Variants in RAD51AP1 observed in about 807,000 individuals in gnomAD.
RAD51AP1 encodes the protein RAD51-associated protein 1.
In RAD51AP1, 14 loss-of-function variants were observed where a neutral mutation model predicts 34.3. The ratio of observed to expected loss-of-function variants is 0.41; its 90% CI spans 0.27 to 0.64. The LOEUF (loss-of-function observed/expected upper bound fraction) is 0.64, where lower values mean the gene tolerates loss of function less well. RAD51AP1 is among the 30% of genes least tolerant of loss of function. RAD51AP1 has a pLI of 0.33. For synonymous variants in RAD51AP1, 114 were observed against 129.8 expected, an observed-to-expected ratio of 0.88 and a Z score of 0.83; for missense variants, 348 against 386.9, an observed-to-expected ratio of 0.90 and a Z score of 0.84.
intron 6 of RAD51AP1, among the ~76,000 whole-genome samples, chr12:4,551,514 A>C (rs868752699): frequency 6.6e-6 from 1 of 151,604 alleles, no homozygotes; most frequent in Admixed American, 6.6e-5. Context: ...AAAAAAAAGC[A>C]AGATTAAGTT....
chr12:4,548,701 A>T lies in RAD51AP1; in HGVS notation c.421A>T (p.Thr141Ser), dbSNP rs750415596. The stretch of plus-strand genomic sequence containing the variant: ...CTCTCCTGAAGATTTGGATAAGATT[A>T]CTGTGGAAGATGATGTTGGTGGTGT... The part of the protein sequence containing the change: ...ASDYLDLDKI[T>S]VEDDVGGVQG... Residue 141 changes from threonine to serine, a missense_variant, in exon 6 of 9, where the codon ACT (threonine) becomes TCT (serine). Transcript: ENST00000352618. 6.2e-7 allele frequency: 1 copy of T among 1,613,372 alleles called. No homozygotes were observed. The highest frequency in any genetic ancestry group is 8.5e-7 in the Non-Finnish European group (1 of 1,179,800).
At chr12:4,552,426 G>A (rs1030497571) in intron 6 of RAD51AP1, among the ~76,000 whole-genome samples, 3 of 152,190 alleles carry the variant, frequency 2.0e-5, no homozygotes, top group African/African-American at 4.8e-5. Flanking sequence ...TCAGCTCTAG[G>A]ATTATCTGCT....
intron 1 of RAD51AP1, among the ~76,000 whole-genome samples, chr12:4,539,487 A>G (rs1944439653): frequency 6.6e-6 from 1 of 152,148 alleles, no homozygotes; most frequent in Non-Finnish European, 1.5e-5. Flanking sequence ...TTAGCCATTC[A>G]TTTAATAAAG....
intron 1 of RAD51AP1, 26 bp downstream of exon 1, chr12:4,538,982 G>A: frequency 6.2e-7 from 1 of 1,610,506 alleles, no homozygotes. Flanking sequence ...CATTCGTCGG[G>A]GGTGGGAGGA....
chr12:4,549,489 G>A (rs1360642363), intron 6 of RAD51AP1, among the ~76,000 whole-genome samples: 2 of 151,906 alleles, frequency 1.3e-5, no homozygotes, highest in Non-Finnish European at 2.9e-5. Context: ...TCACTTATTC[G>A]ACTAATATTT....
At chr12:4,548,603 A>C in intron 5 of RAD51AP1, 84 bp from the exon 6 acceptor site, 1 of 1,441,856 alleles carries the variant, frequency 6.9e-7, no homozygotes, top group South Asian at 1.3e-5. Flanking sequence ...TAAAAACAAT[A>C]GCTGTAATAG....
At chr12:4,547,141 C>T (rs1009894010) in intron 4 of RAD51AP1, among the ~76,000 whole-genome samples, 2 of 152,190 alleles carry the variant, frequency 1.3e-5, no homozygotes, top group East Asian at 1.9e-4. Context: ...GATCATGGCT[C>T]AATACAACCT....
Position 4,559,112 on chromosome 12 carries a change from C to A in RAD51AP1, c.*119C>A. ...ATATAAAGGAATCCATTACCATGTC[C>A]TATAAATGACCTCTAGCCATTTTAT... On this transcript the variant is annotated 3_prime_UTR_variant, in exon 9 of 9. Coordinates refer to ENST00000352618, the MANE Select transcript of RAD51AP1 (RefSeq NM_006479.5). 2.4e-6 allele frequency: 3 copies of A among 1,241,948 alleles called. No individual in the cohort carries two copies. The highest frequency in any genetic ancestry group is 3.3e-6 in the Non-Finnish European group (3 of 898,366). The allele number at this position is 1,241,948 out of a possible 1,614,324, so 76.9% of individuals were successfully genotyped here.
intron 2 of RAD51AP1, 70 bp from the exon 3 acceptor site, chr12:4,543,693 C>T (rs1467500338): frequency 8.8e-7 from 1 of 1,140,222 alleles, no homozygotes; most frequent in Non-Finnish European, 1.2e-6. Flanking sequence ...AACTTGAACA[C>T]ACATGGTAAT....
chr12:4,548,874 ATTCAGTC>A, intron 6 of RAD51AP1, 38 bp downstream of exon 6: 1 of 1,598,914 alleles, frequency 6.3e-7, no homozygotes, highest in Non-Finnish European at 8.5e-7. Context: ...TTCTATGGGA[ATTCAGTC>A]AAAAAAGTTC....
At chr12:4,557,206 C>T (rs1450350578) in intron 8 of RAD51AP1, among the ~76,000 whole-genome samples, 2 of 152,200 alleles carry the variant, frequency 1.3e-5, no homozygotes, top group Non-Finnish European at 2.9e-5. Context: ...ATGCCTCTCT[C>T]AGGGCCTCTC....
At chr12:4,553,268 ATATG>A (rs1944559639) in intron 7 of RAD51AP1, 121 bp downstream of exon 7, 1 of 892,400 alleles carries the variant, frequency 1.1e-6, no homozygotes, top group Non-Finnish European at 1.6e-6. Flanking sequence ...TCTTGTTAAA[ATATG>A]TAAAAGGAAG....
chr12:4,556,407 CA>C lies in RAD51AP1; in HGVS notation c.782del (p.Lys261ArgfsTer13). On this transcript the variant is annotated frameshift_variant, in exon 8 of 9. Coordinates refer to ENST00000352618, the MANE Select transcript of RAD51AP1 (RefSeq NM_006479.5). LOFTEE classifies it high-confidence loss of function. ...GTCAAATCAGAATCTCAGTCCTTGC[CA>C]AAAAAGGTTTCTCTGTCTTCAGATA... ...AAVKSESQSLPKKVSLSSDTT... is the reference protein window; with the variant it reads ...AAVKSESQSLXKKVSLSSDTT... The C allele has an allele frequency of 6.2e-7, 1 of 1,613,616 alleles. No individual in the cohort carries two copies. Among genetic ancestry groups the C allele is most frequent in the Non-Finnish European group, 8.5e-7 (1 of 1,179,694 alleles).
chr12:4,549,460 A>G (rs968853734), intron 6 of RAD51AP1, among the ~76,000 whole-genome samples: 1 of 152,248 alleles, frequency 6.6e-6, no homozygotes, highest in Non-Finnish European at 1.5e-5. Flanking sequence ...TCAACAAACA[A>G]TAACAGATTT....
chr12:4,543,002 C>A lies in RAD51AP1; in HGVS notation c.68-761C>A, dbSNP rs12302172. 2.9e-3 allele frequency among the ~76,000 whole-genome samples: 437 copies of A among 152,246 alleles called. 4 individuals are homozygous for A. The highest frequency in any genetic ancestry group is 0.01 in the African/African-American group (416 of 41,528). On this transcript the variant is annotated intron_variant, in intron 2 of 8. Coordinates refer to ENST00000352618, the MANE Select transcript of RAD51AP1 (RefSeq NM_006479.5). ...CCTCAAATAGGAGCTACTTTCTCTT[C>A]CCCCCATAATGCTTATTTCCTCTAG...
At position 4,538,965 on chromosome 12, in the gene RAD51AP1, T is replaced by C; in HGVS notation, c.17+9T>C. The C allele has an allele frequency of 6.2e-7, 1 of 1,610,200 alleles. No individual in the cohort carries two copies. The highest frequency in any genetic ancestry group is 8.5e-7 in the Non-Finnish European group (1 of 1,176,570). On this transcript the variant is annotated intron_variant, in intron 1 of 8. Transcript: ENST00000352618. ...ATGGTGCGGCCTGTGAGGTGGGTAGTTCCTGACATTCGTCGGGGGTGGGAG... is the reference window on the plus strand; with the variant it reads ...ATGGTGCGGCCTGTGAGGTGGGTAGCTCCTGACATTCGTCGGGGGTGGGAG...
chr12:4,554,456 T>C (rs1018156209), intron 7 of RAD51AP1, among the ~76,000 whole-genome samples: 1 of 152,236 alleles, frequency 6.6e-6, no homozygotes, highest in Non-Finnish European at 1.5e-5. Context: ...GATGTAGACA[T>C]CTGAGGAGCC....
chr12:4,559,032 G>A lies in RAD51AP1; in HGVS notation c.*39G>A. On this transcript the variant is annotated 3_prime_UTR_variant, in exon 9 of 9. Transcript: ENST00000352618. The stretch of plus-strand genomic sequence containing the variant: ...GGAATGTTTGGTTGGGAGAATCACA[G>A]CTTTACAAGGGTGTTTATATTTGAT... 6.2e-7 allele frequency: 1 copy of A among 1,603,354 alleles called. No homozygotes were observed. The highest frequency in any genetic ancestry group is 8.5e-7 in the Non-Finnish European group (1 of 1,171,948).
intron 3 of RAD51AP1, among the ~76,000 whole-genome samples, chr12:4,544,405 A>C (rs558874844): frequency 7.9e-5 from 12 of 152,282 alleles, no homozygotes; most frequent in African/African-American, 2.9e-4. Flanking sequence ...TAGTATCAAG[A>C]GGCAGAAAGG....
Sources: gnomAD v4.1 joint callset for allele counts (sites outside exome capture counted in the v4.1 genomes callset) on GRCh38, gnomAD v4.1.1 for gene constraint, MANE v1.5 for transcripts, NCBI Gene and HGNC (gene_info 2026-07-23, HGNC 2026-07-21) for gene names.